The following DIAPH2 variants were observed in gnomAD, a reference collection of about 807,000 sequenced individuals.
DIAPH2 encodes diaphanous related formin 2, also known as protein diaphanous homolog 2.
DIAPH2 carries 35 observed loss-of-function variants against 92.7 expected under a neutral mutation model. That is an observed-to-expected ratio of 0.38 (90% CI 0.29 to 0.50). DIAPH2 has a LOEUF of 0.50. Ranked by LOEUF, DIAPH2 falls within the 20% of genes least tolerant of loss-of-function variation. The pLI is 0.94. For missense variants in DIAPH2, 701 were observed against 819.5 expected (o/e 0.86, Z 1.77); for synonymous variants, 301 against 280.4 (o/e 1.07, Z -0.73).
At chrX:97,318,737 A>G (rs1177114676) in intron 23 of DIAPH2, among the ~76,000 whole-genome samples, 2 of 108,902 alleles carry the variant, frequency 1.8e-5, no homozygotes, top group Non-Finnish European at 3.8e-5. Flanking sequence ...CACCCGCCTT[A>G]GCCTCCCAAA....
At chrX:96,924,958 C>T (rs932827893) in intron 9 of DIAPH2, among the ~76,000 whole-genome samples, 4 of 111,087 alleles carry the variant, frequency 3.6e-5, no homozygotes, top group Non-Finnish European at 7.6e-5. Context: ...ATAAGCTCTC[C>T]TTGTTTTTCC....
chrX:97,455,671 TAATC>T (rs1384744831), intron 26 of DIAPH2, among the ~76,000 whole-genome samples: 1 of 112,317 alleles, frequency 8.9e-6, no homozygotes, highest in East Asian at 2.8e-4. Flanking sequence ...TTACATGTAA[TAATC>T]AAATAATACA....
intron 1 of DIAPH2, among the ~76,000 whole-genome samples, chrX:96,711,091 A>C (rs1450911974): frequency 8.9e-6 from 1 of 112,047 alleles, no homozygotes; most frequent in Non-Finnish European, 1.9e-5. Context: ...TTGCTGGCTG[A>C]TGGGCATTTA....
chrX:97,440,629 T>C, intron 26 of DIAPH2, among the ~76,000 whole-genome samples: 1 of 100,781 alleles, frequency 9.9e-6, no homozygotes, highest in African/African-American at 3.6e-5. Flanking sequence ...AGAGAGAGTG[T>C]GAAGGTATTG....
intron 22 of DIAPH2, among the ~76,000 whole-genome samples, chrX:97,185,313 A>ATATATGTGTATATATATATATG (rs1569322938): frequency 1.6e-4 from 5 of 31,260 alleles, no homozygotes; most frequent in African/African-American, 7.7e-4. Context: ...AAAAATATAT[A>ATATATGTGTATATATATATATG]TATATATATA....
intron 4 of DIAPH2, among the ~76,000 whole-genome samples, chrX:96,814,077 C>G (rs1177522482): frequency 9.0e-6 from 1 of 111,564 alleles, no homozygotes; most frequent in Non-Finnish European, 1.9e-5. Context: ...GCCTGACTTG[C>G]TAGTTTGGGG....
chrX:97,064,838 G>A (rs2066623240), intron 17 of DIAPH2, among the ~76,000 whole-genome samples: 2 of 111,117 alleles, frequency 1.8e-5, no homozygotes, highest in African/African-American at 6.5e-5. Flanking sequence ...AGGCAACTGT[G>A]AGTCTCCTAG....
At chrX:97,488,929 A>G (rs958486025) in intron 26 of DIAPH2, among the ~76,000 whole-genome samples, 18 of 111,892 alleles carry the variant, frequency 1.6e-4, no homozygotes, top group African/African-American at 5.8e-4. Flanking sequence ...TTGGCTATTC[A>G]TGCTCTTTTG....
chrX:96,962,390 TAC>T lies in DIAPH2; in HGVS notation c.1936-2699_1936-2698del, dbSNP rs1207702893. On this transcript the variant is annotated intron_variant, in intron 16 of 26. Transcript: ENST00000324765. The stretch of plus-strand genomic sequence containing the variant: ...ACACATATATATATACACATATATA[TAC>T]ACATATATATACACATATATATATA... Among the ~76,000 whole-genome samples, 375 of 69,706 alleles carry T rather than the reference TAC, an allele frequency of 5.4e-3. 30 individuals carry two copies. The highest frequency in any genetic ancestry group is 0.023 in the African/African-American group (360 of 15,899). The allele number at this position is 69,706 out of a possible 115,157, so 60.5% of individuals were successfully genotyped here. A position where few individuals can be genotyped will look rare whatever the true frequency, so the allele number is the denominator to read the frequency against.
intron 4 of DIAPH2, among the ~76,000 whole-genome samples, chrX:96,866,424 G>A (rs1195816532): frequency 9.0e-6 from 1 of 111,664 alleles, no homozygotes; most frequent in African/African-American, 3.3e-5. Flanking sequence ...TTTCCTTTGA[G>A]AGTGTTTTGC....
chrX:97,333,879 C>A (rs1602515439), intron 23 of DIAPH2, among the ~76,000 whole-genome samples: 1 of 110,422 alleles, frequency 9.1e-6, no homozygotes, highest in East Asian at 2.9e-4. Flanking sequence ...TTTCTTATAT[C>A]TATCCCCTGC....
intron 17 of DIAPH2, among the ~76,000 whole-genome samples, chrX:96,976,724 G>T (rs1261308503): frequency 8.1e-5 from 9 of 110,465 alleles, no homozygotes; most frequent in African/African-American, 3.0e-4. Flanking sequence ...CTTCAAAATA[G>T]CTCCGTCTTT....
chrX:97,148,045 G>A (rs1398882254), intron 22 of DIAPH2, among the ~76,000 whole-genome samples: 1 of 111,343 alleles, frequency 9.0e-6, no homozygotes, highest in African/African-American at 3.3e-5. Flanking sequence ...AAACTCCACA[G>A]CTGGTTGAAG....
intron 26 of DIAPH2, among the ~76,000 whole-genome samples, chrX:97,512,238 G>T (rs1302200348): frequency 8.8e-6 from 1 of 113,563 alleles, no homozygotes; most frequent in East Asian, 2.7e-4. Context: ...TTAGTCTTGG[G>T]AGGGTGTATA....
chrX:96,830,875 G>A (rs1467089975), intron 4 of DIAPH2, among the ~76,000 whole-genome samples: 1 of 111,133 alleles, frequency 9.0e-6, no homozygotes, highest in Non-Finnish European at 1.9e-5. Flanking sequence ...TCTTTTTGGA[G>A]GGGCATTTCG....
chrX:97,462,199 C>T (rs990278197), intron 26 of DIAPH2, among the ~76,000 whole-genome samples: 2 of 111,614 alleles, frequency 1.8e-5, no homozygotes, highest in Non-Finnish European at 3.8e-5. Flanking sequence ...TCCTAACATT[C>T]GTTACTGTGG....
At chrX:97,513,906 A>T (rs1307066024) in intron 26 of DIAPH2, among the ~76,000 whole-genome samples, 1 of 102,553 alleles carries the variant, frequency 9.8e-6, no homozygotes, top group Non-Finnish European at 2.0e-5. Flanking sequence ...CTTCCCTTTG[A>T]GGGTAACCCG....
chrX:97,334,998 C>CAAAAAAAAAAAAAAAAAAAAAAAAA (rs746536131), intron 23 of DIAPH2, among the ~76,000 whole-genome samples: 5 of 31,449 alleles, frequency 1.6e-4, no homozygotes, highest in East Asian at 2.1e-3. Context: ...AAAAACAAAA[C>CAAAAAAAAAAAAAAAAAAAAAAAAA]AAAAAAAAAA....
rs184593205 is a variant in DIAPH2 at position 97,542,022 on chromosome X, A to G, written c.3242-57231A>G. Among the ~76,000 whole-genome samples the G allele has an allele frequency of 3.4e-3, 382 of 112,503 alleles. 1 individual carries two copies. The highest frequency in any genetic ancestry group is 0.012 in the South Asian group (32 of 2,722). On this transcript the variant is annotated intron_variant, in intron 26 of 26. Coordinates refer to ENST00000324765, the MANE Select transcript of DIAPH2 (RefSeq NM_006729.5). ...GAGAAAGATACTGAAATCTCCTAAT[A>G]CAACATGTTGAGAAGAAAGTTAATG...
Sources: allele counts gnomAD v4.1 joint callset (sites outside exome capture counted in the v4.1 genomes callset), GRCh38; gene constraint gnomAD v4.1.1; transcripts MANE v1.5; gene names NCBI Gene and HGNC (gene_info 2026-07-23, HGNC 2026-07-21).